Variants in ZFHX3 observed in about 807,000 individuals in gnomAD.
The protein encoded by ZFHX3 is zinc finger homeobox 3, also known as zinc finger homeobox protein 3.
Under a neutral mutation model 279.1 loss-of-function variants are expected in ZFHX3, and 42 were observed. The ratio of observed to expected loss-of-function variants is 0.15; its 90% CI spans 0.12 to 0.19. The LOEUF is 0.19. Among genes scored for constraint, ZFHX3 ranks in the 10% least tolerant of loss-of-function variants. The pLI is 1.00. For missense variants in ZFHX3, 4,981 were observed against 4,754.0 expected (o/e 1.05, Z -1.40); for synonymous variants, 2,293 against 1,957.8 (o/e 1.17, Z -4.52).
At position 72,959,578 on chromosome 16, in the gene ZFHX3, C is replaced by T. The variant is rs1404656543; in HGVS notation, c.568G>A (p.Val190Met). The T allele has an allele frequency of 1.5e-5, 24 of 1,614,034 alleles. No homozygotes were observed. Among genetic ancestry groups the T allele is most frequent in the Non-Finnish European group, 1.7e-5 (20 of 1,180,034 alleles). ...AAAGTGTTGATGATCTGCGGGTACA[C>T]GGGTGCAGCACACGAAGGGTCCCCT... ...KQGDPSCAAP[V>M]YPQIINTFHI... is the part of the protein sequence containing the mutation. Residue 190 changes from valine (V) to methionine (M), a missense_variant, in exon 2 of 10, where the codon GTG becomes ATG. Around this residue, in one of 7 missense-constraint regions of ZFHX3, gnomAD observed 1,068 missense variants for 935.2 expected, o/e 1.14. Transcript: ENST00000268489.
chr16:72,991,998 A>G (rs1963112279), intron 1 of ZFHX3, among the ~76,000 whole-genome samples: 1 of 152,204 alleles, frequency 6.6e-6, no homozygotes, highest in Non-Finnish European at 1.5e-5. Context: ...TGTAAAGCAA[A>G]TAATACAGTA....
intron 4 of ZFHX3, among the ~76,000 whole-genome samples, chr16:73,305,148 C>T (rs1020943438): frequency 5.3e-5 from 8 of 152,248 alleles, no homozygotes; most frequent in Admixed American, 3.3e-4. Context: ...CTCACAGCAG[C>T]GGCATGAGCT....
At position 72,794,476 on chromosome 16, in the gene ZFHX3, G is replaced by T. The variant is rs148004755; in HGVS notation, c.8206C>A (p.His2736Asn). 3 of 1,614,186 alleles carry T rather than the reference G, an allele frequency of 1.9e-6. No individual in the cohort carries two copies. The highest frequency in any genetic ancestry group is 2.5e-6 in the Non-Finnish European group (3 of 1,180,042). ...LEAHIRSRHW[H>N]EAKRAGYNLT... ...TTGTAGCCAGCTCTCTTGGCTTCAT[G>T]CCAGTGACGGGACCGGATATGAGCC... Residue 2736 changes from histidine to asparagine, a missense_variant, in exon 9 of 10, where the codon CAT becomes AAT. Physicochemically the swap from His to Asn is moderately conservative, Grantham distance 68. Around this residue, in one of 7 missense-constraint regions of ZFHX3, gnomAD observed 744 missense variants for 701.3 expected, o/e 1.06. Transcript: ENST00000268489. This position sits in a 1 kb window ranked among gnomAD's most constrained non-coding sequence, Gnocchi z 4.2.
intron 5 of ZFHX3, among the ~76,000 whole-genome samples, chr16:73,206,561 C>G (rs1203782206): frequency 6.6e-6 from 1 of 152,204 alleles, no homozygotes; most frequent in Non-Finnish European, 1.5e-5. Flanking sequence ...TTTTCTCATT[C>G]AGAGATTCAT....
intron 5 of ZFHX3, among the ~76,000 whole-genome samples, chr16:73,154,114 T>A (rs1427900901): frequency 1.3e-5 from 2 of 152,296 alleles, no homozygotes; most frequent in South Asian, 2.1e-4. Flanking sequence ...TTGGTCGGCA[T>A]CTCAGTCCAG....
At chr16:73,703,414 T>C (rs2053270529) in intron 1 of ZFHX3, among the ~76,000 whole-genome samples, 1 of 151,862 alleles carries the variant, frequency 6.6e-6, no homozygotes, top group South Asian at 2.1e-4. Context: ...AAAGGATATA[T>C]ATTAATTAGC....
chr16:72,915,590 C>A (rs1470753425), intron 3 of ZFHX3, among the ~76,000 whole-genome samples: 3 of 149,264 alleles, frequency 2.0e-5, no homozygotes, highest in Non-Finnish European at 4.5e-5. Flanking sequence ...AAGATCCAGT[C>A]TCTACAAAAA....
chr16:73,364,450 T>A (rs2016493312), intron 3 of ZFHX3, among the ~76,000 whole-genome samples: 1 of 151,932 alleles, frequency 6.6e-6, no homozygotes, highest in Non-Finnish European at 1.5e-5. Context: ...ACAGAAGTAT[T>A]TCCTGACCTC....
At chr16:73,842,223 A>AG (rs1961328716) in intron 1 of ZFHX3, among the ~76,000 whole-genome samples, 1 of 152,108 alleles carries the variant, frequency 6.6e-6, no homozygotes, top group East Asian at 1.9e-4. Context: ...TCTCAAAAAA[A>AG]AAAAGAAAGA....
At chr16:73,566,235 G>A (rs1367110413) in intron 2 of ZFHX3, among the ~76,000 whole-genome samples, 1 of 152,238 alleles carries the variant, frequency 6.6e-6, no homozygotes, top group East Asian at 1.9e-4. Context: ...CTCTGCAGAT[G>A]GCAAGGGAAA....
At chr16:73,552,782 T>C (rs2020220878) in intron 2 of ZFHX3, among the ~76,000 whole-genome samples, 1 of 152,220 alleles carries the variant, frequency 6.6e-6, no homozygotes, top group Non-Finnish European at 1.5e-5. Context: ...TTGCTTTTTA[T>C]GTATTAAAAA....
chr16:72,942,883 C>T (rs2144353846), intron 3 of ZFHX3, among the ~76,000 whole-genome samples: 1 of 152,252 alleles, frequency 6.6e-6, no homozygotes, highest in African/African-American at 2.4e-5. Context: ...AAGAAATTTT[C>T]TTTTGGGGAA....
chr16:73,497,675 G>C (rs1054911294), intron 2 of ZFHX3, among the ~76,000 whole-genome samples: 4 of 151,914 alleles, frequency 2.6e-5, no homozygotes, highest in African/African-American at 9.7e-5. Flanking sequence ...GTCTTAAAAA[G>C]ATAAAAGAAA....
At chr16:73,231,501 T>C (rs2012771154) in intron 5 of ZFHX3, among the ~76,000 whole-genome samples, 1 of 152,200 alleles carries the variant, frequency 6.6e-6, no homozygotes, top group Non-Finnish European at 1.5e-5. Context: ...CTGTGCTCAC[T>C]CTTTCTACAT....
intron 5 of ZFHX3, among the ~76,000 whole-genome samples, chr16:73,183,362 AAGAT>A (rs1227159929): frequency 2.0e-5 from 3 of 152,234 alleles, no homozygotes; most frequent in East Asian, 3.9e-4. Context: ...AAAATAAAAA[AAGAT>A]AGACGTTCAC....
rs142823551 is a variant in ZFHX3 at position 73,709,234 on chromosome 16, G to A, written c.-1607-28994C>T. 4.0e-3 allele frequency among the ~76,000 whole-genome samples: 601 copies of A among 152,142 alleles called. 3 individuals carry two copies. Among genetic ancestry groups the A allele is most frequent in the African/African-American group, 0.014 (566 of 41,486 alleles). ...AGAAAAATTAGCCAGGCCTAGTGGGGTGCACCTGTAGTCTCAGCTACTTTG... is the reference window on the plus strand; with the variant it reads ...AGAAAAATTAGCCAGGCCTAGTGGGATGCACCTGTAGTCTCAGCTACTTTG... On this transcript the variant is annotated intron_variant, in intron 1 of 17. Transcript: ENST00000641206.
Position 73,844,019 on chromosome 16 carries a change from G to A in ZFHX3, c.-1608+47632C>T, listed in dbSNP as rs117002353. ...GCCAGGCCATACAAAATTAGGCAGC[G>A]GGCTGTGGATTGCCAACCCTTCCTG... On this transcript the variant is annotated intron_variant, in intron 1 of 17. Coordinates refer to the ZFHX3 transcript ENST00000641206. Among the ~76,000 whole-genome samples, 69 of 152,264 alleles carry A rather than the reference G, an allele frequency of 4.5e-4. 2 individuals are homozygous for A. The East Asian group carries it at 6.5e-3, about 14-fold the overall frequency.
At chr16:73,577,576 C>T (rs754626494) in intron 2 of ZFHX3, among the ~76,000 whole-genome samples, 20 of 152,086 alleles carry the variant, frequency 1.3e-4, no homozygotes, top group Admixed American at 1.2e-3. Flanking sequence ...TCCCTCAGAC[C>T]CCACTTCCCA....
intron 1 of ZFHX3, among the ~76,000 whole-genome samples, chr16:73,020,188 G>A (rs1335933083): frequency 6.6e-6 from 1 of 152,192 alleles, no homozygotes; most frequent in Admixed American, 6.5e-5. Context: ...TTACTCTACA[G>A]AGGCACCGGG....
Sources: gnomAD v4.1 joint callset for allele counts (sites outside exome capture counted in the v4.1 genomes callset) on GRCh38, gnomAD v4.1.1 for gene constraint, gnomAD v4.1.1 regional missense constraint, Gnocchi (gnomAD v3.1) non-coding constraint, MANE v1.5 for transcripts, NCBI Gene and HGNC (gene_info 2026-07-23, HGNC 2026-07-21) for gene names.